KIRREL3: variants seen among roughly 807,000 people sequenced by gnomAD.
KIRREL3 encodes kirre like nephrin family adhesion molecule 3.
KIRREL3 carries 36 observed loss-of-function variants against 89.7 expected under a neutral mutation model. That is an observed-to-expected ratio of 0.40 (90% confidence interval 0.31 to 0.53). The LOEUF (loss-of-function observed/expected upper bound fraction) is 0.53. Among genes scored for constraint, KIRREL3 ranks in the 20% least tolerant of loss-of-function variants. KIRREL3 has a pLI of 0.49. For synonymous variants in KIRREL3, 445 were observed against 441.4 expected (o/e 1.01, Z -0.10); for missense variants, 864 against 1,056.6 (o/e 0.82, Z 2.53).
At chr11:126,552,537 G>T (rs916683402) in intron 2 of KIRREL3, among the ~76,000 whole-genome samples, 1 of 149,356 alleles carries the variant, frequency 6.7e-6, no homozygotes, top group East Asian at 2.0e-4. Flanking sequence ...CATCACACAG[G>T]GGAGAGAGAA....
At chr11:126,856,896 A>G (rs1048616692) in intron 1 of KIRREL3, among the ~76,000 whole-genome samples, 1 of 151,972 alleles carries the variant, frequency 6.6e-6, no homozygotes, top group African/African-American at 2.4e-5. Context: ...CTGGGCCCAT[A>G]TTTTGTATTT....
At chr11:126,599,646 A>G (rs1253939195) in intron 1 of KIRREL3, among the ~76,000 whole-genome samples, 3 of 152,168 alleles carry the variant, frequency 2.0e-5, no homozygotes, top group Non-Finnish European at 4.4e-5. Context: ...GTATCCCCAC[A>G]AGCCTCTGAA....
At chr11:126,711,432 C>T (rs1333075786) in intron 1 of KIRREL3, among the ~76,000 whole-genome samples, 2 of 152,084 alleles carry the variant, frequency 1.3e-5, no homozygotes, top group African/African-American at 4.8e-5. Flanking sequence ...GGTGGTGGCT[C>T]ATGCCTATAA....
intron 1 of KIRREL3, among the ~76,000 whole-genome samples, chr11:126,667,215 G>T (rs1472890007): frequency 1.3e-5 from 2 of 152,172 alleles, no homozygotes; most frequent in African/African-American, 2.4e-5. Flanking sequence ...GAATTCAATC[G>T]CAGCAAAAGT....
Position 126,710,162 on chromosome 11 carries a change from T to C in KIRREL3, c.56-147250A>G, listed in dbSNP as rs571925173. Among the ~76,000 whole-genome samples the C allele has an allele frequency of 6.6e-6, 1 of 152,278 alleles. No individual in the cohort carries two copies. The highest frequency in any genetic ancestry group is 2.4e-5 in the African/African-American group (1 of 41,556). On this transcript the variant is annotated intron_variant, in intron 1 of 16. Transcript: ENST00000525144. This position sits in a 1 kb window ranked among gnomAD's most constrained non-coding sequence, Gnocchi z 4.2. ...ATTCTACTATTCTGTCCTGTGTCCA[T>C]CAGTAGATGGGCTGGCATCAGTGGA...
At chr11:126,596,160 G>A (rs1475768399) in intron 1 of KIRREL3, among the ~76,000 whole-genome samples, 1 of 152,152 alleles carries the variant, frequency 6.6e-6, no homozygotes, top group Non-Finnish European at 1.5e-5. Context: ...CACCAATCTC[G>A]AGAGTCACCT....
In KIRREL3 at chr11:126,486,490, C is replaced by T. The variant is rs1032606933; in HGVS notation, c.434-13024G>A. On this transcript the variant is annotated intron_variant, in intron 4 of 16. Coordinates refer to ENST00000525144, the MANE Select transcript of KIRREL3 (RefSeq NM_032531.4). The surrounding 1 kb of genome is among the most constrained non-coding windows in gnomAD (Gnocchi z 6.2). ...TCTTAGGTGTGTTTGCAGGAATAACCGGCACATGCCCCCTTGCAGCCGCTC... is the reference window on the plus strand; with the variant it reads ...TCTTAGGTGTGTTTGCAGGAATAACTGGCACATGCCCCCTTGCAGCCGCTC... Among the ~76,000 whole-genome samples the T allele has an allele frequency of 7.2e-5, 11 of 152,236 alleles. No individual in the cohort carries two copies. In the South Asian group the frequency reaches 1.0e-3, roughly 14 times the overall value.
At chr11:126,660,407 G>A (rs1264005363) in intron 1 of KIRREL3, among the ~76,000 whole-genome samples, 1 of 152,160 alleles carries the variant, frequency 6.6e-6, no homozygotes, top group African/African-American at 2.4e-5. Flanking sequence ...TCACACTGAC[G>A]TGCATTGCAT....
intron 1 of KIRREL3, among the ~76,000 whole-genome samples, chr11:126,631,124 T>TATGTATTCATTCATTCATTC (rs543668078): frequency 3.8e-5 from 4 of 106,658 alleles, no homozygotes; most frequent in African/African-American, 6.8e-5. Context: ...TGTATGTATG[T>TATGTATTCATTCATTCATTC]ATTCATTCAT....
At chr11:126,982,653 G>A (rs930592491) in intron 1 of KIRREL3, among the ~76,000 whole-genome samples, 3 of 152,124 alleles carry the variant, frequency 2.0e-5, no homozygotes, top group Admixed American at 6.6e-5. Flanking sequence ...ACCTCCAGGC[G>A]TGACTCTTTT....
chr11:126,744,239 C>T lies in KIRREL3; in HGVS notation c.56-181327G>A, dbSNP rs1476334758. On this transcript the variant is annotated intron_variant, in intron 1 of 16. Coordinates refer to ENST00000525144, the MANE Select transcript of KIRREL3 (RefSeq NM_032531.4). The surrounding 1 kb of genome is among the most constrained non-coding windows in gnomAD (Gnocchi z 4.7). Reference sequence around the variant, plus strand: ...TTGGTTTGTCTTCTGAAACACACAACTTTTTTTTTTTTTATGGGTGGAAAG... The same window carrying T: ...TTGGTTTGTCTTCTGAAACACACAATTTTTTTTTTTTTTATGGGTGGAAAG... Among the ~76,000 whole-genome samples, 1 of 147,706 alleles carries T rather than the reference C, an allele frequency of 6.8e-6. No homozygotes were observed. Among genetic ancestry groups the T allele is most frequent in the Non-Finnish European group, 1.5e-5 (1 of 66,860 alleles).
rs1171289430 is a variant in KIRREL3, at chr11:126,501,113, G to A, written c.433+20202C>T. 2.0e-5 allele frequency among the ~76,000 whole-genome samples: 3 copies of A among 152,260 alleles called. No homozygotes were observed. The highest frequency in any genetic ancestry group is 1.9e-4 in the East Asian group (1 of 5,164). On this transcript the variant is annotated intron_variant, in intron 4 of 16. Transcript: ENST00000525144. The surrounding 1 kb of genome is among the most constrained non-coding windows in gnomAD (Gnocchi z 5.8). The stretch of plus-strand genomic sequence containing the variant: ...CATTTCCTTGCTGTGAGCCTTGTGC[G>A]AGGCAGGATATCTCCAGTGCAAGGA...
intron 1 of KIRREL3, among the ~76,000 whole-genome samples, chr11:126,821,775 AG>A (rs1409577104): frequency 2.0e-5 from 3 of 152,164 alleles, no homozygotes; most frequent in African/African-American, 7.2e-5. Context: ...AGTTCAGGTC[AG>A]AATGACGCAG....
Position 126,446,831 on chromosome 11 carries a change from A to C in KIRREL3, c.1053T>G (p.Asp351Glu), listed in dbSNP as rs1955836435. ...PQSLLVDLGS[D>E]AIFSCAWTGN... is the part of the protein sequence containing the mutation. Reference sequence around the variant, plus strand: ...CGGTCCAGGCGCAGCTGAAGATGGCATCAGAGCCCAGATCCACGAGCAAGG... The same window carrying C: ...CGGTCCAGGCGCAGCTGAAGATGGCCTCAGAGCCCAGATCCACGAGCAAGG... The change falls in exon 9 of 17, where the codon GAT (aspartate) becomes GAG (glutamate). Residue 351 changes from aspartate to glutamate, a missense_variant. Transcript: ENST00000525144. 1.2e-6 allele frequency: 2 copies of C among 1,602,716 alleles called. No homozygotes were observed. The highest frequency in any genetic ancestry group is 4.5e-5 in the East Asian group (2 of 44,438).
chr11:126,645,749 G>C lies in KIRREL3; in HGVS notation c.56-82837C>G, dbSNP rs143625761. 1.5e-3 allele frequency among the ~76,000 whole-genome samples: 231 copies of C among 152,250 alleles called. No individual in the cohort carries two copies. The highest frequency in any genetic ancestry group is 5.2e-3 in the African/African-American group (217 of 41,538). ...CTCGTTGTACTGAATGGCAGATAAGGTGGTGTCTTCGCCTATGCTTTGGAC... is the reference window on the plus strand; with the variant it reads ...CTCGTTGTACTGAATGGCAGATAAGCTGGTGTCTTCGCCTATGCTTTGGAC... On this transcript the variant is annotated intron_variant, in intron 1 of 16. Transcript: ENST00000525144. The surrounding 1 kb of genome is among the most constrained non-coding windows in gnomAD (Gnocchi z 4.9).
At chr11:126,679,796 G>C (rs73631574) in intron 1 of KIRREL3, among the ~76,000 whole-genome samples, 6,972 of 152,106 alleles carry the variant, frequency 0.046, 343 homozygotes, top group African/African-American at 0.12. Flanking sequence ...CCAAATAGCC[G>C]GGGTTGAAAT....
intron 1 of KIRREL3, among the ~76,000 whole-genome samples, chr11:126,825,752 T>G (rs1943384410): frequency 6.6e-6 from 1 of 152,208 alleles, no homozygotes; most frequent in Admixed American, 6.5e-5. Context: ...TTTACACATT[T>G]AATCCCCACA....
In KIRREL3 at chr11:126,564,986, G is replaced by A. The variant is rs487842; in HGVS notation, c.56-2074C>T. 0.3 allele frequency among the ~76,000 whole-genome samples: 45,135 copies of A among 152,062 alleles called. 6,900 individuals carry two copies. Among genetic ancestry groups the A allele is most frequent in the East Asian group, 0.48 (2,464 of 5,164 alleles). ...TATATTTTTGCCATTGACTTCGTAT[G>A]CCCATCTAAAGCACATCAGCAATGG... On this transcript the variant is annotated intron_variant, in intron 1 of 16. Transcript: ENST00000525144. This position sits in a 1 kb window ranked among gnomAD's most constrained non-coding sequence, Gnocchi z 7.4.
intron 2 of KIRREL3, among the ~76,000 whole-genome samples, chr11:126,542,286 G>A (rs1565537103): frequency 1.4e-5 from 2 of 144,236 alleles, no homozygotes; most frequent in African/African-American, 5.9e-5. Flanking sequence ...GTTCCCAACT[G>A]GACACAGACC....
Sources: gnomAD v4.1 joint callset for allele counts (sites outside exome capture counted in the v4.1 genomes callset) on GRCh38, gnomAD v4.1.1 for gene constraint, Gnocchi (gnomAD v3.1) non-coding constraint, MANE v1.5 for transcripts, NCBI Gene and HGNC (gene_info 2026-07-23, HGNC 2026-07-21) for gene names.